CNDP1: variants seen among roughly 807,000 people sequenced by gnomAD.
The protein encoded by CNDP1 is carnosine dipeptidase 1.
Under a neutral mutation model 58.1 loss-of-function variants are expected in CNDP1, and 44 were observed. That is an observed-to-expected ratio of 0.76 (90% CI 0.60 to 0.97). The LOEUF is 0.97. Among genes scored for constraint, CNDP1 ranks in the 50% least tolerant of loss-of-function variants. The probability of loss-of-function intolerance (pLI) is 0.00; values close to 1 mark genes in which losing one functional copy is unlikely to be tolerated. For missense variants in CNDP1, 616 were observed against 655.1 expected (o/e 0.94, Z 0.65); for synonymous variants, 254 against 252.6 (o/e 1.01, Z -0.05).
intron 7 of CNDP1, among the ~76,000 whole-genome samples, chr18:74,571,717 A>G (rs1981484048): frequency 6.6e-6 from 1 of 152,180 alleles, no homozygotes; most frequent in Non-Finnish European, 1.5e-5. Flanking sequence ...TCAAAAGGGA[A>G]AGGAACTAAG....
intron 3 of CNDP1, among the ~76,000 whole-genome samples, chr18:74,560,619 A>G (rs976685991): frequency 1.3e-5 from 2 of 151,978 alleles, no homozygotes; most frequent in Admixed American, 1.3e-4. Flanking sequence ...GAGATGGGAG[A>G]ATCACTTGAG....
intron 10 of CNDP1, among the ~76,000 whole-genome samples, chr18:74,580,573 C>A (rs546718490): frequency 4.6e-5 from 7 of 152,212 alleles, no homozygotes; most frequent in Admixed American, 3.9e-4. Flanking sequence ...AGTCTGGAGA[C>A]CTGAATTTTG....
intron 1 of CNDP1, among the ~76,000 whole-genome samples, chr18:74,553,223 G>T (rs149762367): frequency 3.3e-5 from 5 of 152,010 alleles, no homozygotes; most frequent in Non-Finnish European, 7.4e-5. Flanking sequence ...CACATTCTAC[G>T]TGTTGTCTTT....
At chr18:74,536,978 T>C (rs1298321751) in intron 1 of CNDP1, among the ~76,000 whole-genome samples, 2 of 152,222 alleles carry the variant, frequency 1.3e-5, no homozygotes, top group African/African-American at 4.8e-5. Flanking sequence ...CAGTTTTTAA[T>C]GGGATTGTTT....
At chr18:74,579,931 TGAA>T (rs1981745556) in intron 9 of CNDP1, among the ~76,000 whole-genome samples, 196 bp from the exon 10 acceptor site, 1 of 152,198 alleles carries the variant, frequency 6.6e-6, no homozygotes, top group Non-Finnish European at 1.5e-5. Flanking sequence ...CTGTCAGCAC[TGAA>T]GAAGGATCTC....
chr18:74,541,073 A>C (rs1194247454), intron 1 of CNDP1, among the ~76,000 whole-genome samples: 1 of 152,228 alleles, frequency 6.6e-6, no homozygotes, highest in East Asian at 1.9e-4. Context: ...GTTGTTGGGC[A>C]CTGGAACACA....
At chr18:74,552,171 C>T (rs1292000031) in intron 1 of CNDP1, among the ~76,000 whole-genome samples, 1 of 152,216 alleles carries the variant, frequency 6.6e-6, no homozygotes, top group Non-Finnish European at 1.5e-5. Flanking sequence ...CTTACCTTGA[C>T]CTTGCTTTTA....
At chr18:74,582,848 T>G (rs543695274) in intron 10 of CNDP1, among the ~76,000 whole-genome samples, 1 of 152,328 alleles carries the variant, frequency 6.6e-6, no homozygotes, top group African/African-American at 2.4e-5. Context: ...GTTGTCAGTT[T>G]CCTTGTTTTG....
At chr18:74,570,033 C>CAAA (rs56365298) in intron 6 of CNDP1, among the ~76,000 whole-genome samples, 15 of 94,130 alleles carry the variant, frequency 1.6e-4, no homozygotes, top group African/African-American at 6.1e-4. Flanking sequence ...GAAGAAAATA[C>CAAA]AAAAAAAAAA....
Position 74,578,228 on chromosome 18 carries a change from T to C in CNDP1, c.1068T>C (p.Phe356=). 6.2e-7 allele frequency: 1 copy of C among 1,614,108 alleles called. No homozygotes were observed. The highest frequency in any genetic ancestry group is 8.5e-7 in the Non-Finnish European group (1 of 1,180,002). ...SLSIHGIEGA[F]DEPGTKTVIP... Reference sequence around the variant, plus strand: ...CTATTCATGGGATCGAGGGCGCGTTTGATGAGCCTGGAACTAAAACAGTCA... The same window carrying C: ...CTATTCATGGGATCGAGGGCGCGTTCGATGAGCCTGGAACTAAAACAGTCA... The change falls in exon 9 of 12, where the codon TTT becomes TTC. Residue 356 remains phenylalanine (F), a synonymous_variant. Transcript: ENST00000358821.
At position 74,567,292 on chromosome 18, in the gene CNDP1, C is replaced by T. The variant is rs755680847; in HGVS notation, c.615C>T (p.Ala205=). 2 of 1,614,038 alleles carry T rather than the reference C, an allele frequency of 1.2e-6. No homozygotes were observed. The highest frequency in any genetic ancestry group is 1.7e-6 in the Non-Finnish European group (2 of 1,179,988). The change falls in exon 6 of 12, where the codon GCC becomes GCT. Residue 205 remains alanine (A), a synonymous_variant. Coordinates refer to ENST00000358821, the MANE Select transcript of CNDP1 (RefSeq NM_032649.6). ...IEGMEEAGSV[A]LEELVEKEKD... is the part of the protein sequence containing the mutation. ...GGATGGAAGAGGCTGGCTCTGTTGC[C>T]CTGGAGGAACTTGTGGAAAAAGAAA...
rs542792492 is a variant in CNDP1 at position 74,581,089 on chromosome 18, G to A, written c.1309+818G>A. The stretch of plus-strand genomic sequence containing the variant: ...TAAATAAGCAGACCCTGGGCTGGCC[G>A]GCAGGGATCTGCTCTTCCTGGTCAC... On this transcript the variant is annotated intron_variant, in intron 10 of 11. Coordinates refer to ENST00000358821, the MANE Select transcript of CNDP1 (RefSeq NM_032649.6). Among the ~76,000 whole-genome samples the A allele has an allele frequency of 5.3e-5, 8 of 152,284 alleles. No individual in the cohort carries two copies. In the East Asian group the frequency reaches 5.8e-4, roughly 11 times the overall value.
intron 3 of CNDP1, 63 bp downstream of exon 3, chr18:74,559,535 G>C (rs762910857): frequency 1.4e-5 from 21 of 1,507,698 alleles, no homozygotes; most frequent in Admixed American, 2.1e-5. Flanking sequence ...ATGCCTTCCC[G>C]GGGGTGGCAA....
intron 7 of CNDP1, among the ~76,000 whole-genome samples, chr18:74,575,066 A>G (rs1981591540): frequency 6.6e-6 from 1 of 151,546 alleles, no homozygotes; most frequent in Non-Finnish European, 1.5e-5. Context: ...GGAAAGAAGA[A>G]AGAAGGAAGG....
At chr18:74,565,194 C>A (rs558873269) in intron 5 of CNDP1, among the ~76,000 whole-genome samples, 1 of 152,174 alleles carries the variant, frequency 6.6e-6, no homozygotes, top group African/African-American at 2.4e-5. Flanking sequence ...ATTACCTCCC[C>A]GTGGGTCCCT....
At chr18:74,554,186 T>C (rs1414733874) in intron 1 of CNDP1, among the ~76,000 whole-genome samples, 1 of 152,316 alleles carries the variant, frequency 6.6e-6, no homozygotes, top group East Asian at 1.9e-4. Context: ...GCATTGACTC[T>C]CACTCTGCCA....
chr18:74,581,452 C>T (rs1981789906), intron 10 of CNDP1, among the ~76,000 whole-genome samples: 2 of 152,162 alleles, frequency 1.3e-5, no homozygotes, highest in African/African-American at 4.8e-5. Flanking sequence ...ACACAGCCCC[C>T]AGGCAGGCCA....
chr18:74,566,289 T>C (rs1981326744), intron 5 of CNDP1, among the ~76,000 whole-genome samples: 1 of 152,246 alleles, frequency 6.6e-6, no homozygotes, highest in Non-Finnish European at 1.5e-5. Flanking sequence ...GTCTTGGGGA[T>C]TAACATTAGG....
intron 1 of CNDP1, among the ~76,000 whole-genome samples, chr18:74,555,318 A>C (rs1238625378): frequency 6.6e-6 from 1 of 152,090 alleles, no homozygotes; most frequent in Non-Finnish European, 1.5e-5. Flanking sequence ...TTTCCTAGCC[A>C]AGAACCTGAC....
Sources: allele counts gnomAD v4.1 joint callset (sites outside exome capture counted in the v4.1 genomes callset), GRCh38; gene constraint gnomAD v4.1.1; transcripts MANE v1.5; gene names NCBI Gene and HGNC (gene_info 2026-07-23, HGNC 2026-07-21).